CDK19: variants seen among roughly 807,000 people sequenced by gnomAD.
The protein encoded by CDK19 is cyclin-dependent kinase 19.
Under a neutral mutation model 68.3 loss-of-function variants are expected in CDK19, and 20 were observed. That is an observed-to-expected ratio of 0.29 (90% CI 0.21 to 0.43). CDK19 has a LOEUF of 0.43. Among genes scored for constraint, CDK19 ranks in the 20% least tolerant of loss-of-function variants. The probability of loss-of-function intolerance (pLI) is 1.00; values close to 1 mark genes in which losing one functional copy is unlikely to be tolerated. For synonymous variants in CDK19, 221 were observed against 222.8 expected (o/e 0.99, Z 0.07); for missense variants, 339 against 623.5 (o/e 0.54, Z 4.86).
At chr6:110,814,780 G>A (rs1324115027) in intron 1 of CDK19, 2 of 670,444 alleles carry the variant, frequency 3.0e-6, no homozygotes, top group Admixed American at 2.1e-5. Context: ...GGACGGGACC[G>A]ACGCCTCGGA....
chr6:110,716,221 A>C (rs184295912), intron 2 of CDK19, among the ~76,000 whole-genome samples: 1 of 152,216 alleles, frequency 6.6e-6, no homozygotes, highest in Non-Finnish European at 1.5e-5. Flanking sequence ...ATGCTCAAGT[A>C]TAAGGAAAAC....
In CDK19 at chr6:110,637,312, C is replaced by T. The variant is rs550948396; in HGVS notation, c.514+1337G>A. ...AGTGCAAGAGTAAAATAAAAATAGA[C>T]AAGTGAGAAATTATGGTGGAAGTGG... On this transcript the variant is annotated intron_variant, in intron 5 of 12. Coordinates refer to ENST00000368911, the MANE Select transcript of CDK19 (RefSeq NM_015076.5). Among the ~76,000 whole-genome samples, 32 of 152,148 alleles carry T rather than the reference C, an allele frequency of 2.1e-4. No homozygotes were observed. The South Asian group carries it at 6.2e-3, about 30-fold the overall frequency.
rs556514253 is a variant in CDK19 at position 110,633,951 on chromosome 6, T to C, written c.515-1790A>G. The stretch of plus-strand genomic sequence containing the variant: ...ACTAAATCTGACATCCAACAAATTA[T>C]ACATATGATAATTGCAAGTCACAAA... On this transcript the variant is annotated intron_variant, in intron 5 of 12. Transcript: ENST00000368911. Among the ~76,000 whole-genome samples the C allele has an allele frequency of 5.9e-5, 9 of 152,178 alleles. No homozygotes were observed. In the South Asian group the frequency reaches 1.9e-3, roughly 32 times the overall value.
rs190064914 is a variant in CDK19, at chr6:110,750,258, G to T, written c.129-4057C>A. Among the ~76,000 whole-genome samples, 12 of 130,076 alleles carry T rather than the reference G, an allele frequency of 9.2e-5. 1 individual carries two copies. Among genetic ancestry groups the T allele is most frequent in the Non-Finnish European group, 2.0e-4 (12 of 58,628 alleles). 85.3% of individuals were successfully genotyped at this position (130,076 alleles called of 152,430 possible). The stretch of plus-strand genomic sequence containing the variant: ...GTAAGTGTGAGAAGGTGAAAACCTG[G>T]ATGAGTAGAACAGAATGTTAGCTCT... On this transcript the variant is annotated intron_variant, in intron 1 of 12. Transcript: ENST00000368911.
At chr6:110,775,287 A>G (rs1780322590) in intron 1 of CDK19, among the ~76,000 whole-genome samples, 1 of 152,108 alleles carries the variant, frequency 6.6e-6, no homozygotes, top group South Asian at 2.1e-4. Flanking sequence ...TAGGTGGAAA[A>G]ATATACTTCA....
At chr6:110,646,646 TC>T in intron 4 of CDK19, 1 of 529,010 alleles carries the variant, frequency 1.9e-6, no homozygotes, top group Non-Finnish European at 3.2e-6. Context: ...GTTTTACTAC[TC>T]CCTTTTCCCT....
intron 2 of CDK19, among the ~76,000 whole-genome samples, chr6:110,715,437 G>A (rs752131791): frequency 7.9e-5 from 12 of 152,146 alleles, no homozygotes; most frequent in Non-Finnish European, 1.5e-4. Context: ...AGTCTTTAAT[G>A]TCTTTACAAT....
chr6:110,710,223 T>C (rs1774841470), intron 2 of CDK19, among the ~76,000 whole-genome samples: 1 of 152,248 alleles, frequency 6.6e-6, no homozygotes, highest in Non-Finnish European at 1.5e-5. Context: ...AGTTTTGTTA[T>C]ATGAGCCTTC....
At chr6:110,648,498 A>G (rs187456264) in intron 4 of CDK19, among the ~76,000 whole-genome samples, 56 of 152,068 alleles carry the variant, frequency 3.7e-4, no homozygotes, top group African/African-American at 1.2e-3. Flanking sequence ...AAGAATGTAC[A>G]AGATTGGTAT....
In CDK19 at chr6:110,614,714, T is replaced by C. The variant is rs1367910855; in HGVS notation, c.1378-48A>G. The C allele has an allele frequency of 4.4e-6, 7 of 1,596,342 alleles. No homozygotes were observed. The Admixed American group carries it at 6.7e-5, about 15-fold the overall frequency. The stretch of plus-strand genomic sequence containing the variant: ...GGGAATTACTGATGGAGGAAGAGGA[T>C]GACTCAAGATGCTCATCACAGTAGG... On this transcript the variant is annotated intron_variant, in intron 12 of 12. Coordinates refer to ENST00000368911, the MANE Select transcript of CDK19 (RefSeq NM_015076.5).
intron 1 of CDK19, among the ~76,000 whole-genome samples, chr6:110,766,117 G>C (rs1386922723): frequency 1.3e-5 from 2 of 152,162 alleles, no homozygotes; most frequent in Non-Finnish European, 2.9e-5. Flanking sequence ...AAAGGAAAGA[G>C]AATCAGTATG....
At chr6:110,721,848 C>T (rs1405063366) in intron 2 of CDK19, among the ~76,000 whole-genome samples, 3 of 152,102 alleles carry the variant, frequency 2.0e-5, no homozygotes, top group African/African-American at 7.2e-5. Flanking sequence ...CCTGTAATCC[C>T]AGCAACTCGG....
chr6:110,645,980 G>T lies in CDK19; in HGVS notation c.457-7274C>A, dbSNP rs1166379305. 4.3e-6 allele frequency: 5 copies of T among 1,166,748 alleles called. No homozygotes were observed. In the Admixed American group the frequency reaches 6.0e-5, roughly 14 times the overall value. The allele number at this position is 1,166,748 out of a possible 1,614,324, so 72.3% of individuals were successfully genotyped here. A position where few individuals can be genotyped will look rare whatever the true frequency, so the allele number is the denominator to read the frequency against. ...AGGGCTTCTACAACGAGCACATGCAGCGCGTCTTCAAGTATCTGGGCAAGC... is the reference window on the plus strand; with the variant it reads ...AGGGCTTCTACAACGAGCACATGCATCGCGTCTTCAAGTATCTGGGCAAGC... On this transcript the variant is annotated intron_variant, in intron 4 of 12. Transcript: ENST00000368911.
rs938272454 is a variant in CDK19 at position 110,610,948 on chromosome 6, G to A, written c.*3587C>T. ...CACCAGGAATGAGGCAGCACACATA[G>A]GTAAATGTCATCCCTTTCCATTCTT... is the stretch of plus-strand genomic sequence containing the variant. On this transcript the variant is annotated 3_prime_UTR_variant, in exon 13 of 13. Transcript: ENST00000368911. 2.0e-5 allele frequency: 3 copies of A among 152,124 alleles called. No individual in the cohort carries two copies. Among genetic ancestry groups the A allele is most frequent in the African/African-American group, 7.2e-5 (3 of 41,430 alleles). The allele number at this position is 152,124 out of a possible 1,614,324, so 9.4% of individuals were successfully genotyped here. A position where few individuals can be genotyped will look rare whatever the true frequency, so the allele number is the denominator to read the frequency against.
At chr6:110,814,039 G>A (rs1214314521) in intron 1 of CDK19, 1 of 153,692 alleles carries the variant, frequency 6.5e-6, no homozygotes, top group Non-Finnish European at 1.4e-5. Context: ...AGAAAGGACA[G>A]GTATTCTCAG....
At chr6:110,670,740 T>G (rs746071564) in intron 2 of CDK19, 199 bp from the exon 3 acceptor site, 2 of 648,566 alleles carry the variant, frequency 3.1e-6, no homozygotes, top group Non-Finnish European at 5.6e-6. Context: ...TTCCAATCCT[T>G]TTTCTATGTG....
At chr6:110,721,268 TTAA>T in intron 2 of CDK19, among the ~76,000 whole-genome samples, 1 of 151,998 alleles carries the variant, frequency 6.6e-6, no homozygotes, top group Middle Eastern at 3.4e-3. Context: ...AATTAATTAA[TTAA>T]TAAAACCTTG....
chr6:110,755,237 C>T (rs560912663), intron 1 of CDK19, among the ~76,000 whole-genome samples: 4 of 152,054 alleles, frequency 2.6e-5, no homozygotes, highest in African/African-American at 9.6e-5. Context: ...GATGGGGTTT[C>T]GCTATGTTGG....
upstream of CDK19, chr6:110,815,692 G>C (rs898492008): frequency 2.6e-5 from 4 of 152,630 alleles, no homozygotes; most frequent in African/African-American, 9.6e-5. Context: ...AAGTTCCAGT[G>C]TGCTTTCTGC....
Sources: allele counts gnomAD v4.1 joint callset (sites outside exome capture counted in the v4.1 genomes callset), GRCh38; gene constraint gnomAD v4.1.1; transcripts MANE v1.5; gene names NCBI Gene and HGNC (gene_info 2026-07-23, HGNC 2026-07-21).